ACBD6: variants seen among roughly 807,000 people sequenced by gnomAD.
The protein encoded by ACBD6 is acyl-CoA binding domain containing 6.
A neutral mutation model predicts 37.2 loss-of-function variants in ACBD6; 28 were observed. That is an observed-to-expected ratio of 0.75 (90% CI 0.56 to 1.03). The LOEUF (loss-of-function observed/expected upper bound fraction) is 1.03, where lower values mean the gene tolerates loss of function less well. Among genes scored for constraint, ACBD6 ranks in the 50% least tolerant of loss-of-function variants. ACBD6 has a pLI of 0.00. For synonymous variants in ACBD6, 113 were observed against 126.8 expected (o/e 0.89, Z 0.73); for missense variants, 340 against 337.4 (o/e 1.01, Z -0.06).
At chr1:180,483,789 T>A (rs1312522428) in intron 3 of ACBD6, among the ~76,000 whole-genome samples, 1 of 152,114 alleles carries the variant, frequency 6.6e-6, no homozygotes. Context: ...TGTATATGAC[T>A]AAGATACCAA....
intron 7 of ACBD6, among the ~76,000 whole-genome samples, chr1:180,312,496 G>A (rs1021491168): frequency 1.3e-5 from 2 of 152,116 alleles, no homozygotes; most frequent in Non-Finnish European, 2.9e-5. Flanking sequence ...GTTTGAGAAT[G>A]ATGATGATTT....
intron 4 of ACBD6, among the ~76,000 whole-genome samples, chr1:180,415,884 T>G (rs1187032312): frequency 6.6e-6 from 1 of 152,186 alleles, no homozygotes; most frequent in Admixed American, 6.5e-5. Context: ...ATCAACTAGT[T>G]TTTTTTGCTA....
At chr1:180,319,355 A>AT (rs1558247834) in intron 6 of ACBD6, among the ~76,000 whole-genome samples, 42 of 152,122 alleles carry the variant, frequency 2.8e-4, no homozygotes, top group Non-Finnish European at 4.7e-4. Flanking sequence ...TTAAACTCAA[A>AT]ATTTTTTAAT....
At chr1:180,349,516 A>G (rs963950244) in intron 6 of ACBD6, among the ~76,000 whole-genome samples, 6 of 151,982 alleles carry the variant, frequency 3.9e-5, no homozygotes, top group South Asian at 2.1e-4. Context: ...CGGCCTCCCA[A>G]AATGCTGGGA....
exon 14 of ACBD6, chr1:180,270,180 T>C (rs1382870629): frequency 6.6e-6 from 1 of 152,256 alleles, no homozygotes; most frequent in Non-Finnish European, 1.5e-5. Context: ...GAGAGCCTTG[T>C]AGATTGTGAG....
intron 6 of ACBD6, among the ~76,000 whole-genome samples, chr1:180,318,779 A>T (rs1025180802): frequency 5.3e-5 from 8 of 152,182 alleles, no homozygotes; most frequent in African/African-American, 1.9e-4. Flanking sequence ...ATTATTTGAG[A>T]TCTCTACCCC....
At chr1:180,409,547 A>C (rs778849472) in intron 5 of ACBD6, among the ~76,000 whole-genome samples, 3 of 152,154 alleles carry the variant, frequency 2.0e-5, no homozygotes, top group Non-Finnish European at 4.4e-5. Flanking sequence ...GCAATACTTC[A>C]AAGTTTTTCA....
intron 11 of ACBD6, chr1:180,273,547 T>C (rs557165856): frequency 6.6e-6 from 1 of 152,634 alleles, no homozygotes; most frequent in East Asian, 1.9e-4. Context: ...GTGGCAAAGA[T>C]TCCATTAGAT....
At chr1:180,304,828 C>A (rs987953515) in intron 7 of ACBD6, among the ~76,000 whole-genome samples, 13 of 151,718 alleles carry the variant, frequency 8.6e-5, no homozygotes, top group African/African-American at 1.9e-4. Flanking sequence ...AAGCTGGAGG[C>A]ATCACACTAC....
At chr1:180,400,736 G>T (rs1040515217) in intron 5 of ACBD6, among the ~76,000 whole-genome samples, 1 of 152,090 alleles carries the variant, frequency 6.6e-6, no homozygotes, top group Non-Finnish European at 1.5e-5. Context: ...AATTTGCAGA[G>T]ATGCTATCCT....
chr1:180,381,183 C>T (rs528690171), intron 6 of ACBD6, among the ~76,000 whole-genome samples: 3 of 152,172 alleles, frequency 2.0e-5, no homozygotes, highest in South Asian at 2.1e-4. Context: ...TAAACATACA[C>T]CCAACATCGC....
At chr1:180,337,416 C>G (rs1470999275) in intron 6 of ACBD6, among the ~76,000 whole-genome samples, 1 of 152,162 alleles carries the variant, frequency 6.6e-6, no homozygotes, top group African/African-American at 2.4e-5. Flanking sequence ...ATGATTATCT[C>G]AATAGATGCA....
In ACBD6 at chr1:180,339,473, T is replaced by C. The variant is rs188466886; in HGVS notation, c.664-24751A>G. 3.9e-5 allele frequency among the ~76,000 whole-genome samples: 6 copies of C among 152,168 alleles called. No homozygotes were observed. In the East Asian group the frequency reaches 7.7e-4, roughly 20 times the overall value. ...GCATGTTCTCACTCATAGGTGGGAA[T>C]TGAACAATGAGAATATTTGGACACA... On this transcript the variant is annotated intron_variant, in intron 6 of 7. Transcript: ENST00000367595.
At chr1:180,348,941 T>C (rs963143478) in intron 6 of ACBD6, among the ~76,000 whole-genome samples, 16 of 152,318 alleles carry the variant, frequency 1.1e-4, no homozygotes, top group Middle Eastern at 3.4e-3. Flanking sequence ...CTCAGGTTAA[T>C]AGGACAAAAT....
chr1:180,333,134 A>C (rs1420095178), intron 6 of ACBD6, among the ~76,000 whole-genome samples: 10 of 152,196 alleles, frequency 6.6e-5, no homozygotes, highest in Non-Finnish European at 2.9e-5. Flanking sequence ...CCATCATGTT[A>C]CTATATATTT....
chr1:180,376,873 A>G (rs1653457567), intron 6 of ACBD6, among the ~76,000 whole-genome samples: 2 of 152,316 alleles, frequency 1.3e-5, no homozygotes, highest in South Asian at 4.1e-4. Flanking sequence ...CATGTATTTG[A>G]AGTGAATCTA....
At chr1:180,330,279 G>T (rs974013668) in intron 6 of ACBD6, among the ~76,000 whole-genome samples, 1 of 150,428 alleles carries the variant, frequency 6.6e-6, no homozygotes, top group Non-Finnish European at 1.5e-5. Context: ...TTAAAGCCAG[G>T]TGTGGCGGTG....
intron 5 of ACBD6, among the ~76,000 whole-genome samples, chr1:180,405,513 T>C (rs1027306358): frequency 7.2e-5 from 11 of 152,188 alleles, no homozygotes; most frequent in African/African-American, 2.7e-4. Context: ...CAATGAACTA[T>C]GTATGAATGC....
chr1:180,296,102 A>G (rs1461310438), intron 7 of ACBD6, among the ~76,000 whole-genome samples: 1 of 152,234 alleles, frequency 6.6e-6, no homozygotes. Context: ...ACAGGAAAGC[A>G]AAACAGCCTT....
Sources: gnomAD v4.1 joint callset for allele counts (sites outside exome capture counted in the v4.1 genomes callset) on GRCh38, gnomAD v4.1.1 for gene constraint, MANE v1.5 for transcripts, NCBI Gene and HGNC (gene_info 2026-07-23, HGNC 2026-07-21) for gene names.